The following CD22 variants were observed in gnomAD, a reference collection of about 807,000 sequenced individuals.
CD22 encodes CD22 molecule.
CD22 carries 51 observed loss-of-function variants against 94.7 expected under a neutral mutation model. That is an observed-to-expected ratio of 0.54 (90% CI 0.43 to 0.68). CD22 has a LOEUF of 0.68. Ranked by LOEUF, CD22 falls within the 30% of genes least tolerant of loss-of-function variation. CD22 has a pLI of 0.00. For missense variants in CD22, 931 were observed against 1,060.4 expected (o/e 0.88, Z 1.69); for synonymous variants, 424 against 422.5 (o/e 1.00, Z -0.04).
intron 6 of CD22, 31 bp downstream of exon 6, chr19:35,338,462 G>C (rs769391919): frequency 6.3e-7 from 1 of 1,594,380 alleles, no homozygotes; most frequent in South Asian, 1.1e-5. Context: ...TGGTTCTAGG[G>C]AGAGAAGATG....
intron 9 of CD22, 47 bp downstream of exon 9, chr19:35,342,012 TCCTTCCTTCCTTC>T (rs779787726): frequency 1.5e-3 from 685 of 450,858 alleles, no homozygotes; most frequent in Non-Finnish European, 2.1e-3. Flanking sequence ...GGTCAGTCCT[TCCTTCCTTCCTTC>T]CTTCCTTCCT....
At position 35,332,924 on chromosome 19, in the gene CD22, G is replaced by C; in HGVS notation, c.412G>C (p.Glu138Gln). Residue 138 changes from glutamate to glutamine, a missense_variant and splice_region_variant, in exon 3 of 14, where the codon GAA becomes CAA. Physicochemically the swap from Glu to Gln is conservative, Grantham distance 29. Transcript: ENST00000085219. ...WMERIHLNVS[E>Q]RPFPPHIQLP... The stretch of plus-strand genomic sequence containing the variant: ...GGAACGAATACACCTCAATGTCTCT[G>C]GTAAGGCCTTCGGGGAGCGGGTCCT... The C allele has an allele frequency of 1.2e-6, 2 of 1,611,618 alleles. No homozygotes were observed. Among genetic ancestry groups the C allele is most frequent in the Non-Finnish European group, 8.5e-7 (1 of 1,177,940 alleles).
Position 35,329,239 on chromosome 19 carries a change from C to A in CD22, c.-23+9C>A. On this transcript the variant is annotated intron_variant, in intron 1 of 13. Coordinates refer to ENST00000085219, the MANE Select transcript of CD22 (RefSeq NM_001771.4). ...AAGACACGCGGAAACAGGTAAAAAT[C>A]ATTTTGCTTTTATTTTGCATTCAAC... 1 of 1,289,008 alleles carries A rather than the reference C, an allele frequency of 7.8e-7. No individual in the cohort carries two copies. Among genetic ancestry groups the A allele is most frequent in the Non-Finnish European group, 1.0e-6 (1 of 988,114 alleles). 79.8% of individuals were successfully genotyped at this position (1,289,008 alleles called of 1,614,324 possible). A position where few individuals can be genotyped will look rare whatever the true frequency, so the allele number is the denominator to read the frequency against.
rs1013753658 is a variant in CD22, at chr19:35,329,199, G to C, written c.-54G>C. The C allele has an allele frequency of 7.8e-7, 1 of 1,289,466 alleles. No individual in the cohort carries two copies. The highest frequency in any genetic ancestry group is 1.0e-6 in the Non-Finnish European group (1 of 988,624). The allele number at this position is 1,289,466 out of a possible 1,614,324, so 79.9% of individuals were successfully genotyped here. A position where few individuals can be genotyped will look rare whatever the true frequency, so the allele number is the denominator to read the frequency against. On this transcript the variant is annotated 5_prime_UTR_variant, in exon 1 of 14. Transcript: ENST00000085219. ...TCCTTTTGCTCTCAGATGCTGCCAG[G>C]GTCCCTGAAGAGGGAAGACACGCGG... is the stretch of plus-strand genomic sequence containing the variant.
chr19:35,341,493 A>G lies in CD22; in HGVS notation c.1658A>G (p.Glu553Gly). 6.2e-7 allele frequency: 1 copy of G among 1,614,196 alleles called. No homozygotes were observed. The highest frequency in any genetic ancestry group is 8.5e-7 in the Non-Finnish European group (1 of 1,180,026). Residue 553 changes from glutamate (E) to glycine (G), a missense_variant, in exon 8 of 14, where the codon GAA becomes GGA. Glu to Gly is a moderately conservative substitution (Grantham distance 98). Transcript: ENST00000085219. The surrounding 1 kb of genome is among the most constrained non-coding windows in gnomAD (Gnocchi z 4.0). ...WEKNGRLLGK[E>G]SQLNFDSISP... ...AAAAATGGCAGGCTTCTGGGGAAAG[A>G]AAGCCAGCTGAATTTTGACTCCATC...
Position 35,337,776 on chromosome 19 carries a change from A to G in CD22, c.740A>G (p.Lys247Arg). The change falls in exon 5 of 14, where the codon AAG becomes AGG. Residue 247 changes from lysine (K) to arginine (R), a missense_variant. Coordinates refer to ENST00000085219, the MANE Select transcript of CD22 (RefSeq NM_001771.4). The surrounding 1 kb of genome is among the most constrained non-coding windows in gnomAD (Gnocchi z 4.4). ...CCAGACACCCCGAAGTTGGAGATCA[A>G]GGTCACTCCCAGTGATGCCATAGTG... The part of the protein sequence containing the change: ...NVKHTPKLEI[K>R]VTPSDAIVRE... 3 of 1,603,548 alleles carry G rather than the reference A, an allele frequency of 1.9e-6. No individual in the cohort carries two copies. The highest frequency in any genetic ancestry group is 1.7e-6 in the Non-Finnish European group (2 of 1,171,586).
At chr19:35,335,336 G>A (rs925394333) in intron 3 of CD22, among the ~76,000 whole-genome samples, 4 of 151,752 alleles carry the variant, frequency 2.6e-5, no homozygotes, top group South Asian at 4.2e-4. Context: ...TCGGAGGATC[G>A]TTTGAGCCCA....
At chr19:35,338,934 A>G (rs1173241197) in intron 6 of CD22, among the ~76,000 whole-genome samples, 2 of 146,108 alleles carry the variant, frequency 1.4e-5, no homozygotes, top group Non-Finnish European at 3.0e-5. Context: ...CGGCCTGTAG[A>G]TGCTTGTTGA....
chr19:35,332,195 A>C (rs1226098782), intron 2 of CD22, 121 bp downstream of exon 2: 1 of 1,032,902 alleles, frequency 9.7e-7, no homozygotes, highest in Non-Finnish European at 1.5e-6. Context: ...CGGTGTGTAT[A>C]GATAAATGTA....
At chr19:35,329,310 C>A in intron 1 of CD22, 80 bp downstream of exon 1, 1 of 933,050 alleles carries the variant, frequency 1.1e-6, no homozygotes, top group Non-Finnish European at 1.5e-6. Context: ...GCATACCTCC[C>A]AGAGCTGGGA....
chr19:35,341,830 A>G lies in CD22; in HGVS notation c.1900A>G (p.Asn634Asp), dbSNP rs777320183. 6 of 1,613,914 alleles carry G rather than the reference A, an allele frequency of 3.7e-6. No individual in the cohort carries two copies. In the African/African-American group the frequency reaches 5.3e-5, roughly 14 times the overall value. The stretch of plus-strand genomic sequence containing the variant: ...CCACTACACCTGGTTTGACTGGAAT[A>G]ACCAAAGCCTCCCCTACCACAGCCA... ...VSHYTWFDWN[N>D]QSLPYHSQKL... Residue 634 changes from asparagine to aspartate, a missense_variant, in exon 9 of 14, where the codon AAC (asparagine) becomes GAC (aspartate). Physicochemically the swap from Asn to Asp is conservative, Grantham distance 23. Transcript: ENST00000085219. The surrounding 1 kb of genome is among the most constrained non-coding windows in gnomAD (Gnocchi z 4.0).
intron 3 of CD22, 160 bp downstream of exon 3, chr19:35,333,084 G>A: frequency 1.5e-6 from 1 of 673,790 alleles, no homozygotes; most frequent in South Asian, 2.4e-5. Flanking sequence ...ACTAGACAGA[G>A]CTGCGGGACC....
chr19:35,340,847 C>T lies in CD22; in HGVS notation c.1250-34C>T, dbSNP rs1224791003. ...GGGAAGGGGTACTGTGGACAGCTGGCTTTTCTTTACTCACCTCTCTGGTTT... is the reference window on the plus strand; with the variant it reads ...GGGAAGGGGTACTGTGGACAGCTGGTTTTTCTTTACTCACCTCTCTGGTTT... On this transcript the variant is annotated intron_variant, in intron 6 of 13. Coordinates refer to ENST00000085219, the MANE Select transcript of CD22 (RefSeq NM_001771.4). 1.9e-6 allele frequency: 3 copies of T among 1,613,002 alleles called. No homozygotes were observed. The South Asian group carries it at 3.3e-5, about 18-fold the overall frequency.
intron 11 of CD22, 167 bp from the exon 12 acceptor site, chr19:35,345,435 A>C (rs2066890756): frequency 7.3e-6 from 4 of 549,122 alleles, no homozygotes; most frequent in African/African-American, 3.8e-5. Flanking sequence ...AAAAAAAAAA[A>C]AAAAAAAAAA....
chr19:35,337,705 C>A lies in CD22; in HGVS notation c.719-50C>A. 2.6e-6 allele frequency: 4 copies of A among 1,520,762 alleles called. No individual in the cohort carries two copies. The highest frequency in any genetic ancestry group is 2.7e-5 in the African/African-American group (2 of 73,418). 94.2% of individuals were successfully genotyped at this position (1,520,762 alleles called of 1,614,324 possible). A position where few individuals can be genotyped will look rare whatever the true frequency, so the allele number is the denominator to read the frequency against. ...ATAAAAGCACTTTCCACACCCTCCA[C>A]CCTCTGAGGATTCCCCGCCCCCTCC... On this transcript the variant is annotated intron_variant, in intron 4 of 13. Transcript: ENST00000085219. This position sits in a 1 kb window ranked among gnomAD's most constrained non-coding sequence, Gnocchi z 4.4.
At chr19:35,338,089 C>T (rs1277734209) in intron 5 of CD22, 68 bp downstream of exon 5, 5 of 1,574,232 alleles carry the variant, frequency 3.2e-6, no homozygotes, top group Non-Finnish European at 3.5e-6. Context: ...AGAGGGGAGC[C>T]ACGGGGGCTC....
At position 35,338,149 on chromosome 19, in the gene CD22, C is replaced by T. The variant is rs2066752433; in HGVS notation, c.986-19C>T. Reference sequence around the variant, plus strand: ...GGTGCTCTCCTCACCCCTCCACTCGCCTCTGCCCCCTCTTCCAGATGCCCC... The same window carrying T: ...GGTGCTCTCCTCACCCCTCCACTCGTCTCTGCCCCCTCTTCCAGATGCCCC... On this transcript the variant is annotated intron_variant, in intron 5 of 13. Coordinates refer to ENST00000085219, the MANE Select transcript of CD22 (RefSeq NM_001771.4). 6.3e-7 allele frequency: 1 copy of T among 1,598,524 alleles called. No homozygotes were observed.
chr19:35,330,637 T>G (rs770188954), intron 1 of CD22: 4 of 152,138 alleles, frequency 2.6e-5, no homozygotes, highest in Admixed American at 2.0e-4. Context: ...GAGAGGAACA[T>G]TGATGCGTGT....
intron 11 of CD22, 39 bp from the exon 12 acceptor site, chr19:35,345,563 G>A (rs1250288006): frequency 1.5e-6 from 2 of 1,313,084 alleles, no homozygotes; most frequent in South Asian, 1.2e-5. Context: ...GAGGGTTGGG[G>A]AACAGGTGGT....
Sources: gnomAD v4.1 joint callset for allele counts (sites outside exome capture counted in the v4.1 genomes callset) on GRCh38, gnomAD v4.1.1 for gene constraint, Gnocchi (gnomAD v3.1) non-coding constraint, MANE v1.5 for transcripts, NCBI Gene and HGNC (gene_info 2026-07-23, HGNC 2026-07-21) for gene names.